Variants in SDK1 observed in about 807,000 individuals in gnomAD.
The protein encoded by SDK1 is protein sidekick-1.
In SDK1, 157 loss-of-function variants were observed where a neutral mutation model predicts 245.5. The ratio of observed to expected loss-of-function variants is 0.64; its 90% confidence interval spans 0.56 to 0.73. The LOEUF is 0.73. Ranked by LOEUF, SDK1 falls within the 30% of genes least tolerant of loss-of-function variation. The pLI, the probability that SDK1 is intolerant of heterozygous loss-of-function variation, is 0.00. For synonymous variants in SDK1, 1,647 were observed against 1,278.5 expected, an observed-to-expected ratio of 1.29 and a Z score of -6.15; for missense variants, 3,583 against 3,002.3, an observed-to-expected ratio of 1.19 and a Z score of -4.52.
chr7:3,625,268 C>A (rs933859572), intron 2 of SDK1, among the ~76,000 whole-genome samples: 1 of 152,014 alleles, frequency 6.6e-6, no homozygotes, highest in Non-Finnish European at 1.5e-5. Flanking sequence ...CATCAGAAAC[C>A]GATCACAGAT....
chr7:3,954,997 T>C (rs563481291), intron 7 of SDK1, among the ~76,000 whole-genome samples: 1 of 152,168 alleles, frequency 6.6e-6, no homozygotes, highest in African/African-American at 2.4e-5. Context: ...GGATGCCCCT[T>C]ACCTCTGACT....
rs1554270423 is a variant in SDK1, at chr7:3,432,124, A to AATAT, written c.298+130247_298+130250dup. ...TTGCAGGCTGCAGTAAAAAAAAAAA[A>AATAT]ATATATATATGTATTTTATATTTAA... On this transcript the variant is annotated intron_variant, in intron 1 of 44. Transcript: ENST00000404826. 2.1e-4 allele frequency among the ~76,000 whole-genome samples: 31 copies of AATAT among 146,864 alleles called. No homozygotes were observed. In the East Asian group the frequency reaches 5.1e-3, roughly 24 times the overall value.
chr7:4,179,530 G>C (rs960697740), intron 35 of SDK1, among the ~76,000 whole-genome samples: 2 of 152,120 alleles, frequency 1.3e-5, no homozygotes, highest in Non-Finnish European at 2.9e-5. Context: ...GATTTTTTCC[G>C]GAATGGTCAA....
rs966868355 is a variant in SDK1 at position 4,113,567 on chromosome 7, A to C, written c.3585+128A>C. On this transcript the variant is annotated intron_variant, in intron 24 of 44. Transcript: ENST00000404826. ...TAGTCAAAACTAATCTCATCGTCAA[A>C]CCAAAAAGTATTGCATTTTACAATT... 4.6e-6 allele frequency: 5 copies of C among 1,076,138 alleles called. No homozygotes were observed. In the Admixed American group the frequency reaches 7.3e-5, roughly 16 times the overall value. 66.7% of individuals were successfully genotyped at this position (1,076,138 alleles called of 1,614,324 possible).
chr7:3,821,905 G>T (rs1378049773), intron 5 of SDK1, among the ~76,000 whole-genome samples: 1 of 152,050 alleles, frequency 6.6e-6, no homozygotes, highest in Non-Finnish European at 1.5e-5. Flanking sequence ...TAAATGAATT[G>T]TATCCATGAA....
chr7:4,034,696 G>A (rs1055631631), intron 17 of SDK1, among the ~76,000 whole-genome samples: 4 of 152,104 alleles, frequency 2.6e-5, no homozygotes, highest in African/African-American at 9.7e-5. Flanking sequence ...TGAACTTGCA[G>A]ACAAATGAAA....
intron 5 of SDK1, among the ~76,000 whole-genome samples, chr7:3,856,824 A>T (rs996932432): frequency 6.6e-6 from 1 of 152,184 alleles, no homozygotes; most frequent in Non-Finnish European, 1.5e-5. Flanking sequence ...TACTTATAGG[A>T]TATAAATTTT....
In SDK1 at chr7:3,642,000, C is replaced by T; in HGVS notation, c.608C>T (p.Ser203Phe). ...GATACGGACCAGAGGAAAACAGTTT[C>T]TCAAGGACGTGCAGCGATTCTAAAC... The part of the protein sequence containing the change: ...FMDTDQRKTV[S>F]QGRAAILNLL... Residue 203 changes from serine to phenylalanine, a missense_variant, in exon 4 of 45, where the codon TCT becomes TTT. Ser to Phe is a radical substitution (Grantham distance 155). Transcript: ENST00000404826. 1.2e-6 allele frequency: 2 copies of T among 1,614,080 alleles called. No individual in the cohort carries two copies. Among genetic ancestry groups the T allele is most frequent in the East Asian group, 2.2e-5 (1 of 44,876 alleles).
At chr7:3,783,188 G>T (rs1285875457) in intron 4 of SDK1, among the ~76,000 whole-genome samples, 1 of 152,118 alleles carries the variant, frequency 6.6e-6, no homozygotes, top group Non-Finnish European at 1.5e-5. Flanking sequence ...AAAATTCTCG[G>T]CAAATTAGTT....
intron 1 of SDK1, among the ~76,000 whole-genome samples, chr7:3,511,363 A>G (rs989878246): frequency 7.2e-5 from 11 of 152,350 alleles, no homozygotes; most frequent in African/African-American, 2.6e-4. Flanking sequence ...TAAAGATTTT[A>G]GATAAAGCTC....
At chr7:4,180,588 T>C (rs939745809) in intron 35 of SDK1, among the ~76,000 whole-genome samples, 3 of 152,274 alleles carry the variant, frequency 2.0e-5, no homozygotes, top group Non-Finnish European at 4.4e-5. Context: ...GTTGGTGTCT[T>C]AGTTCCTTCT....
At chr7:4,154,987 T>C (rs895491752) in intron 30 of SDK1, among the ~76,000 whole-genome samples, 2 of 151,776 alleles carry the variant, frequency 1.3e-5, no homozygotes, top group African/African-American at 4.8e-5. Context: ...GATCAAACAT[T>C]TGGTCTAGGA....
At chr7:4,034,637 G>C (rs886833488) in intron 17 of SDK1, among the ~76,000 whole-genome samples, 1 of 152,174 alleles carries the variant, frequency 6.6e-6, no homozygotes, top group African/African-American at 2.4e-5. Context: ...TAATTAACCT[G>C]TTTACCTTCT....
intron 1 of SDK1, among the ~76,000 whole-genome samples, chr7:3,505,108 C>T (rs1336896437): frequency 1.3e-5 from 2 of 152,144 alleles, no homozygotes; most frequent in Non-Finnish European, 2.9e-5. Context: ...CTTGTACATA[C>T]TTCGTCAGAA....
rs111642056 is a variant in SDK1, at chr7:3,788,856, A to G, written c.714-32594A>G. On this transcript the variant is annotated intron_variant, in intron 4 of 44. Coordinates refer to ENST00000404826, the MANE Select transcript of SDK1 (RefSeq NM_152744.4). ...AGTTCCGAGAGAGGAGACAGAATTC[A>G]GGGCTGAGCCTGTAGGCTGCGTGAG... Among the ~76,000 whole-genome samples the G allele has an allele frequency of 1.1e-4, 17 of 152,310 alleles. 1 individual carries two copies. Among genetic ancestry groups the G allele is most frequent in the South Asian group, 4.1e-4 (2 of 4,824 alleles).
chr7:3,909,021 G>C (rs1259453295), intron 5 of SDK1, among the ~76,000 whole-genome samples: 1 of 152,140 alleles, frequency 6.6e-6, no homozygotes. Flanking sequence ...AGCCAGGGTG[G>C]GAGGAGATGA....
At chr7:4,062,936 G>C (rs1236657084) in intron 19 of SDK1, among the ~76,000 whole-genome samples, 1 of 152,038 alleles carries the variant, frequency 6.6e-6, no homozygotes, top group Non-Finnish European at 1.5e-5. Context: ...CAACAAACTA[G>C]GCATAGTAGA....
At chr7:3,563,038 T>C (rs955440969) in intron 1 of SDK1, among the ~76,000 whole-genome samples, 1 of 152,156 alleles carries the variant, frequency 6.6e-6, no homozygotes, top group African/African-American at 2.4e-5. Context: ...TTCTAGATGT[T>C]ACCGTTATTG....
At chr7:3,454,526 G>T (rs917844462) in intron 1 of SDK1, among the ~76,000 whole-genome samples, 1 of 151,944 alleles carries the variant, frequency 6.6e-6, no homozygotes, top group Non-Finnish European at 1.5e-5. Flanking sequence ...CCCTTGGGTT[G>T]TCCTTTCATA....
Sources: allele counts gnomAD v4.1 joint callset (sites outside exome capture counted in the v4.1 genomes callset), GRCh38; gene constraint gnomAD v4.1.1; transcripts MANE v1.5; gene names NCBI Gene and HGNC (gene_info 2026-07-23, HGNC 2026-07-21).